The following SLIT3 variants were observed in gnomAD, a reference collection of about 807,000 sequenced individuals.
The protein encoded by SLIT3 is slit guidance ligand 3, also known as slit homolog 3 protein.
SLIT3 carries 68 observed loss-of-function variants against 184.0 expected under a neutral mutation model. The ratio of observed to expected loss-of-function variants is 0.37; its 90% CI spans 0.30 to 0.45. SLIT3 has a LOEUF of 0.45. Ranked by LOEUF, SLIT3 falls within the 20% of genes least tolerant of loss-of-function variation. The pLI is 1.00. For synonymous variants in SLIT3, 831 were observed against 828.6 expected (o/e 1.00, Z -0.05); for missense variants, 1,707 against 2,026.0 (o/e 0.84, Z 3.02).
chr5:169,035,650 A>C (rs1040018977), intron 4 of SLIT3, among the ~76,000 whole-genome samples: 1 of 120,972 alleles, frequency 8.3e-6, no homozygotes, highest in Admixed American at 8.2e-5. Context: ...GCATCTGGAA[A>C]AAAAAAAAAA....
rs146502388 is a variant in SLIT3 at position 168,722,294 on chromosome 5, G to A, written c.2445C>T (p.Pro815=). 28 of 1,614,034 alleles carry A rather than the reference G, an allele frequency of 1.7e-5. No individual in the cohort carries two copies. The East Asian group carries it at 3.6e-4, about 21-fold the overall frequency. ...ILSYNRLRCI[P]VHAFNGLRSL... is the part of the protein sequence containing the mutation. ...ACCGCAGCCCGTTGAAGGCGTGGAC[G>A]GGGATGCACCTCAGCCGGTTGTAGC... The change falls in exon 23 of 36, where the codon CCC becomes CCT. Residue 815 remains proline, a synonymous_variant. Coordinates refer to ENST00000519560, the MANE Select transcript of SLIT3 (RefSeq NM_003062.4).
In SLIT3 at chr5:168,798,220, C is replaced by CTTTTTTTTTTTTTTTTTTTTTTTTTTTTT. The variant is rs575178855; in HGVS notation, c.936-2643_936-2642insAAAAAAAAAAAAAAAAAAAAAAAAAAAAA. On this transcript the variant is annotated intron_variant, in intron 9 of 35. Coordinates refer to ENST00000519560, the MANE Select transcript of SLIT3 (RefSeq NM_003062.4). Reference sequence around the variant, plus strand: ...CTTTTGGTTTTCTTTTCTTCTTCTTCTTCTTTTTTTTTTTTTTTTAAGAGA... The same window carrying CTTTTTTTTTTTTTTTTTTTTTTTTTTTTT: ...CTTTTGGTTTTCTTTTCTTCTTCTTCTTTTTTTTTTTTTTTTTTTTTTTTTTTTTTTCTTTTTTTTTTTTTTTTAAGAGA... Among the ~76,000 whole-genome samples, 39 of 112,242 alleles carry CTTTTTTTTTTTTTTTTTTTTTTTTTTTTT rather than the reference C, an allele frequency of 3.5e-4. 2 individuals are homozygous for CTTTTTTTTTTTTTTTTTTTTTTTTTTTTT. The highest frequency in any genetic ancestry group is 1.3e-3 in the African/African-American group (31 of 24,084). The allele number at this position is 112,242 out of a possible 152,430, so 73.6% of individuals were successfully genotyped here.
At chr5:169,269,424 G>A (rs952781452) in intron 1 of SLIT3, among the ~76,000 whole-genome samples, 10 of 152,210 alleles carry the variant, frequency 6.6e-5, no homozygotes, top group Admixed American at 2.0e-4. Context: ...TAATGCCCCA[G>A]CTGCCTAGAA....
intron 3 of SLIT3, among the ~76,000 whole-genome samples, chr5:169,193,945 A>G (rs963955711): frequency 2.0e-5 from 3 of 152,138 alleles, no homozygotes; most frequent in Admixed American, 1.3e-4. Context: ...ACCTAAAAAC[A>G]TAAATGGGCC....
chr5:168,768,854 C>T (rs1353380259), intron 14 of SLIT3, among the ~76,000 whole-genome samples: 1 of 152,204 alleles, frequency 6.6e-6, no homozygotes, highest in Non-Finnish European at 1.5e-5. Context: ...GATAGACACT[C>T]ATCCCAGATC....
chr5:169,148,072 A>T (rs1485495381), intron 4 of SLIT3, among the ~76,000 whole-genome samples: 1 of 152,178 alleles, frequency 6.6e-6, no homozygotes, highest in Admixed American at 6.5e-5. Flanking sequence ...GAAGTCAGCC[A>T]TCATATCTCC....
At chr5:168,710,427 T>C (rs1762518067) in intron 25 of SLIT3, among the ~76,000 whole-genome samples, 1 of 151,984 alleles carries the variant, frequency 6.6e-6, no homozygotes, top group Admixed American at 6.5e-5. Flanking sequence ...AATGGGAAAA[T>C]GCTTATGTTT....
At chr5:168,846,732 G>C (rs1758487387) in intron 5 of SLIT3, among the ~76,000 whole-genome samples, 2 of 152,218 alleles carry the variant, frequency 1.3e-5, no homozygotes, top group Admixed American at 1.3e-4. Flanking sequence ...TTTTCGTGCA[G>C]ACATTTCATA....
chr5:169,011,461 C>G (rs572428837), intron 4 of SLIT3, among the ~76,000 whole-genome samples: 2 of 152,312 alleles, frequency 1.3e-5, no homozygotes, highest in East Asian at 3.9e-4. Flanking sequence ...AAGATGGCTT[C>G]ATTCCTCCGC....
chr5:169,020,019 C>T (rs1343533693), intron 4 of SLIT3, among the ~76,000 whole-genome samples: 3 of 152,134 alleles, frequency 2.0e-5, no homozygotes, highest in African/African-American at 4.8e-5. Flanking sequence ...TTGGCCGCTG[C>T]CTGTTTTTGT....
At chr5:169,198,554 G>A (rs1763811835) in intron 3 of SLIT3, among the ~76,000 whole-genome samples, 1 of 152,182 alleles carries the variant, frequency 6.6e-6, no homozygotes, top group Non-Finnish European at 1.5e-5. Context: ...CCATAATAAA[G>A]AATTTGGGTT....
chr5:168,946,733 C>T (rs1038949524), intron 4 of SLIT3, among the ~76,000 whole-genome samples: 1 of 152,298 alleles, frequency 6.6e-6, no homozygotes, highest in African/African-American at 2.4e-5. Context: ...CACACGCTCA[C>T]CCCCTAGCCC....
chr5:168,868,659 A>T (rs1314960026), intron 5 of SLIT3, among the ~76,000 whole-genome samples: 1 of 151,086 alleles, frequency 6.6e-6, no homozygotes, highest in Non-Finnish European at 1.5e-5. Context: ...GAGGCAGGAG[A>T]ATCTTTTGAA....
At chr5:169,252,165 T>C (rs1765797419) in intron 1 of SLIT3, among the ~76,000 whole-genome samples, 1 of 152,214 alleles carries the variant, frequency 6.6e-6, no homozygotes, top group Non-Finnish European at 1.5e-5. Context: ...ACAAAAATTG[T>C]CTATTTTCCA....
At chr5:169,038,221 C>T (rs2278386) in intron 4 of SLIT3, among the ~76,000 whole-genome samples, 20,390 of 152,112 alleles carry the variant, frequency 0.13, 1,770 homozygotes, top group East Asian at 0.42. Flanking sequence ...CTAACTGGCA[C>T]GGGTCTGTGG....
chr5:169,080,301 G>T (rs1051059695), intron 4 of SLIT3, among the ~76,000 whole-genome samples: 1 of 152,154 alleles, frequency 6.6e-6, no homozygotes, highest in African/African-American at 2.4e-5. Flanking sequence ...CGTGTTTGTC[G>T]GTGATAATAA....
rs115982408 is a variant in SLIT3, at chr5:168,810,317, C to T, written c.794-3730G>A. 4.8e-3 allele frequency among the ~76,000 whole-genome samples: 733 copies of T among 152,324 alleles called. 3 individuals carry two copies. Among genetic ancestry groups the T allele is most frequent in the South Asian group, 9.5e-3 (46 of 4,830 alleles). ...ATGTGTGTTCCTCTTGTACAGCATG[C>T]TCTTATGGCGGTCTCATGACCCACA... is the stretch of plus-strand genomic sequence containing the variant. On this transcript the variant is annotated intron_variant, in intron 8 of 35. Transcript: ENST00000519560.
rs1761771308 is a variant in SLIT3, at chr5:168,687,134, G to A, written c.3177-18C>T. 1 of 1,610,108 alleles carries A rather than the reference G, an allele frequency of 6.2e-7. No homozygotes were observed. Among genetic ancestry groups the A allele is most frequent in the Non-Finnish European group, 8.5e-7 (1 of 1,176,532 alleles). ...ACTCGCAGCTGGAACATAGGCAGAG[G>A]CAAGGCCGTTCCTCAAGGCAAAGCC... On this transcript the variant is annotated intron_variant, in intron 29 of 35. Transcript: ENST00000519560.
chr5:169,183,445 C>T (rs959303845), intron 4 of SLIT3, among the ~76,000 whole-genome samples: 1 of 152,146 alleles, frequency 6.6e-6, no homozygotes, highest in African/African-American at 2.4e-5. Flanking sequence ...CCCTTTCTCC[C>T]TACATGCCTC....
Sources: gnomAD v4.1 joint callset for allele counts (sites outside exome capture counted in the v4.1 genomes callset) on GRCh38, gnomAD v4.1.1 for gene constraint, MANE v1.5 for transcripts, NCBI Gene and HGNC (gene_info 2026-07-23, HGNC 2026-07-21) for gene names.